Variants in CDHR3 observed in about 807,000 individuals in gnomAD.
CDHR3 encodes cadherin related family member 3.
In CDHR3, 79 loss-of-function variants were observed where a neutral mutation model predicts 86.6. The ratio of observed to expected loss-of-function variants is 0.91; its 90% confidence interval spans 0.76 to 1.10. CDHR3 has a LOEUF of 1.10. Among genes scored for constraint, CDHR3 ranks in the 50% least tolerant of loss-of-function variants. The pLI, the probability that CDHR3 is intolerant of heterozygous loss-of-function variation, is 0.00. For synonymous variants in CDHR3, 421 were observed against 402.4 expected (o/e 1.05, Z -0.55); for missense variants, 1,081 against 1,077.6 (o/e 1.00, Z -0.04).
At chr7:105,972,869 T>C (rs950934135) in intron 1 of CDHR3, among the ~76,000 whole-genome samples, 3 of 152,254 alleles carry the variant, frequency 2.0e-5, no homozygotes, top group Non-Finnish European at 4.4e-5. Flanking sequence ...GCATTATGCA[T>C]TTTAGCCTCT....
rs949612191 is a variant in CDHR3 at position 105,992,036 on chromosome 7, C to T, written c.514-2715C>T. Among the ~76,000 whole-genome samples, 17 of 152,282 alleles carry T rather than the reference C, an allele frequency of 1.1e-4. 1 individual carries two copies. The highest frequency in any genetic ancestry group is 8.5e-4 in the Admixed American group (13 of 15,306). On this transcript the variant is annotated intron_variant, in intron 4 of 18. Coordinates refer to ENST00000317716, the MANE Select transcript of CDHR3 (RefSeq NM_152750.5). ...ACCCTAATTTGTGACTCTTGTATTC[C>T]AGATGAGTCTAAGAGTCCTTCTTCT...
intron 2 of CDHR3, 82 bp downstream of exon 2, chr7:105,975,128 G>C: frequency 2.6e-6 from 3 of 1,150,382 alleles, no homozygotes; most frequent in Non-Finnish European, 3.9e-6. Flanking sequence ...CCAGATCAGT[G>C]ATTAATTCCT....
intron 14 of CDHR3, among the ~76,000 whole-genome samples, chr7:106,022,927 C>T (rs955008040): frequency 6.6e-6 from 1 of 152,206 alleles, no homozygotes; most frequent in Non-Finnish European, 1.5e-5. Context: ...CTACACCCCA[C>T]CTCCGCTCCA....
rs748067630 is a variant in CDHR3 at position 106,028,567 on chromosome 7, G to A, written c.2289G>A (p.Glu763=). Residue 763 remains glutamate, a synonymous_variant, in exon 17 of 19, where the codon GAG becomes GAA. Coordinates refer to ENST00000317716, the MANE Select transcript of CDHR3 (RefSeq NM_152750.5). ...LTKKGETKTA[E]RDVVVETIQM... ...TCTCTGCAGAAACGAAGACTGCAGA[G>A]AGAGACGTCGTGGTGGTGAGTATGG... 1.2e-6 allele frequency: 2 copies of A among 1,614,010 alleles called. No homozygotes were observed. The highest frequency in any genetic ancestry group is 1.7e-6 in the Non-Finnish European group (2 of 1,179,870).
chr7:105,990,489 C>T (rs1831194615), intron 4 of CDHR3, among the ~76,000 whole-genome samples: 1 of 152,158 alleles, frequency 6.6e-6, no homozygotes, highest in Non-Finnish European at 1.5e-5. Context: ...AAATATTCAG[C>T]TTCCATTGAA....
chr7:105,995,103 C>A (rs1271710517), intron 5 of CDHR3, among the ~76,000 whole-genome samples: 1 of 152,170 alleles, frequency 6.6e-6, no homozygotes, highest in Non-Finnish European at 1.5e-5. Context: ...GTGTCATGAG[C>A]AGTGCAAGGT....
chr7:106,006,072 C>A (rs575490974), intron 8 of CDHR3, among the ~76,000 whole-genome samples: 6 of 152,308 alleles, frequency 3.9e-5, no homozygotes, highest in African/African-American at 1.4e-4. Flanking sequence ...CAAGTCACAT[C>A]TTACATGGAT....
chr7:105,996,883 G>A (rs1305629410), intron 6 of CDHR3, among the ~76,000 whole-genome samples: 4 of 152,098 alleles, frequency 2.6e-5, no homozygotes, highest in Non-Finnish European at 4.4e-5. Context: ...AGCAGAGGTG[G>A]GAAGGGTAAA....
Position 106,017,910 on chromosome 7 carries a change from C to A in CDHR3, c.1491C>A (p.Tyr497Ter), listed in dbSNP as rs1432878159. 1 of 1,609,820 alleles carries A rather than the reference C, an allele frequency of 6.2e-7. No individual in the cohort carries two copies. Among genetic ancestry groups the A allele is most frequent in the South Asian group, 1.1e-5 (1 of 90,046 alleles). The change falls in exon 12 of 19, where the codon TAC (tyrosine) becomes TAA (stop). Residue 497 changes from tyrosine to a stop codon, truncating the protein, a stop_gained. Coordinates refer to ENST00000317716, the MANE Select transcript of CDHR3 (RefSeq NM_152750.5). LOFTEE classifies it high-confidence loss of function. ...DKDLPQSSLL[Y>*]SISTGGASLQ... ...ACCTCCCCCAGAGCAGCCTCCTGTA[C>A]TCCATCTCCACTGGAGGGGCCAGCC...
intron 8 of CDHR3, among the ~76,000 whole-genome samples, chr7:106,010,379 C>T (rs1834616890): frequency 6.6e-6 from 1 of 152,180 alleles, no homozygotes; most frequent in Non-Finnish European, 1.5e-5. Flanking sequence ...TTTTAAAGTG[C>T]TTGGTATGAT....
At chr7:105,976,430 C>G (rs1224023870) in intron 2 of CDHR3, among the ~76,000 whole-genome samples, 1 of 152,172 alleles carries the variant, frequency 6.6e-6, no homozygotes, top group East Asian at 1.9e-4. Context: ...CTCCAGTGCT[C>G]TCATTTTAAA....
chr7:106,028,936 CTTTCTTTCTTTCTTTCTT>C (rs1563311980), intron 17 of CDHR3, among the ~76,000 whole-genome samples: 2 of 102,598 alleles, frequency 1.9e-5, no homozygotes, highest in African/African-American at 7.5e-5. Flanking sequence ...TTCTTTCTTT[CTTTCTTTCTTTCTTTCTT>C]TCTTTCTTTC....
At chr7:105,983,714 A>T (rs1343522471) in intron 3 of CDHR3, among the ~76,000 whole-genome samples, 1 of 151,954 alleles carries the variant, frequency 6.6e-6, no homozygotes, top group Non-Finnish European at 1.5e-5. Flanking sequence ...TACTTATTCT[A>T]TTTATCTCTG....
At chr7:106,010,940 A>G (rs1834705636) in intron 8 of CDHR3, among the ~76,000 whole-genome samples, 1 of 152,232 alleles carries the variant, frequency 6.6e-6, no homozygotes, top group Non-Finnish European at 1.5e-5. Context: ...GCCAGTGTCA[A>G]CTGACATAGG....
At chr7:105,991,333 T>C (rs1831327696) in intron 4 of CDHR3, among the ~76,000 whole-genome samples, 1 of 152,178 alleles carries the variant, frequency 6.6e-6, no homozygotes, top group Non-Finnish European at 1.5e-5. Context: ...AAAACTGCTA[T>C]TCCCATTAAC....
In CDHR3 at chr7:105,994,765, TC is replaced by T; in HGVS notation, c.533del (p.Pro178GlnfsTer33). 6.2e-7 allele frequency: 1 copy of T among 1,611,518 alleles called. No homozygotes were observed. Among genetic ancestry groups the T allele is most frequent in the Non-Finnish European group, 8.5e-7 (1 of 1,178,756 alleles). The part of the protein sequence containing the change: ...NIPLSYFLIS[P>X]PKSFRMSANG... ...TTGTTTTTTAGTATTTCCTGATTTC[TC>T]CCCCAAAGAGCTTCAGAATGTCTGC... On this transcript the variant is annotated frameshift_variant, in exon 5 of 19. Transcript: ENST00000317716. LOFTEE classifies it high-confidence loss of function.
chr7:106,022,914 A>G (rs948671039), intron 14 of CDHR3, among the ~76,000 whole-genome samples: 1 of 152,124 alleles, frequency 6.6e-6, no homozygotes, highest in Non-Finnish European at 1.5e-5. Flanking sequence ...ACCAATCTGT[A>G]CCCTACACCC....
intron 15 of CDHR3, among the ~76,000 whole-genome samples, chr7:106,025,465 C>A (rs995438195): frequency 2.6e-5 from 4 of 152,170 alleles, no homozygotes; most frequent in African/African-American, 9.7e-5. Context: ...ATGCTTAGTA[C>A]ACTACCCAGC....
chr7:105,985,499 T>C (rs938039404), intron 4 of CDHR3, among the ~76,000 whole-genome samples: 1 of 152,206 alleles, frequency 6.6e-6, no homozygotes, highest in African/African-American at 2.4e-5. Flanking sequence ...GATTTGCAGC[T>C]TCAATTGGAC....
Sources: allele counts gnomAD v4.1 joint callset (sites outside exome capture counted in the v4.1 genomes callset), GRCh38; gene constraint gnomAD v4.1.1; transcripts MANE v1.5; gene names NCBI Gene and HGNC (gene_info 2026-07-23, HGNC 2026-07-21).